HIVEP3: variants seen among roughly 807,000 people sequenced by gnomAD.
The protein encoded by HIVEP3 is HIVEP zinc finger 3.
HIVEP3 carries 49 observed loss-of-function variants against 152.8 expected under a neutral mutation model. The observed-to-expected ratio is 0.32, with a 90% CI of 0.26 to 0.41. The LOEUF is 0.41. HIVEP3 is among the 10% of genes least tolerant of loss of function. The pLI, the probability that HIVEP3 is intolerant of heterozygous loss-of-function variation, is 1.00. For missense variants in HIVEP3, 2,790 were observed against 3,103.3 expected, an observed-to-expected ratio of 0.90 and a Z score of 2.40; for synonymous variants, 1,269 against 1,289.0, an observed-to-expected ratio of 0.98 and a Z score of 0.33.
intron 5 of HIVEP3, among the ~76,000 whole-genome samples, chr1:41,530,398 C>A (rs1179539739): frequency 2.0e-5 from 3 of 152,248 alleles, no homozygotes; most frequent in Non-Finnish European, 2.9e-5. Context: ...ATCTCCAAGA[C>A]CAAAACCAGT....
At chr1:41,527,119 C>A (rs1029408093) in intron 5 of HIVEP3, among the ~76,000 whole-genome samples, 1 of 118,482 alleles carries the variant, frequency 8.4e-6, no homozygotes, top group Non-Finnish European at 1.9e-5. Flanking sequence ...CACACACCCT[C>A]TTCCTCACAC....
chr1:41,755,340 C>T lies in HIVEP3; in HGVS notation c.-800-54345G>A, dbSNP rs78325112. On this transcript the variant is annotated intron_variant, in intron 1 of 8. Transcript: ENST00000372583. ...ATAGATTTAAACATAAAATGCAAAA[C>T]CATAAAACATTCAGAGATAACACAG... Among the ~76,000 whole-genome samples the T allele has an allele frequency of 8.3e-3, 1,261 of 151,902 alleles. 8 individuals are homozygous for T. Among genetic ancestry groups the T allele is most frequent in the African/African-American group, 0.029 (1,201 of 41,430 alleles).
chr1:41,754,551 A>G (rs1265249237), intron 1 of HIVEP3, among the ~76,000 whole-genome samples: 1 of 152,220 alleles, frequency 6.6e-6, no homozygotes, highest in African/African-American at 2.4e-5. Context: ...GCCTGGACAG[A>G]CGACTTAGTC....
chr1:41,513,250 C>T lies in HIVEP3; in HGVS notation c.5971G>A (p.Asp1991Asn), dbSNP rs777566608. ...GGGGAGCATCGCTGGGGAGATGAGT[C>T]GTTTTTGGTTAGCGAGTGTTTGCGG... ...LARKHSLTKNDSSPQRCSPAR... is the reference protein window; with the variant it reads ...LARKHSLTKNNSSPQRCSPAR... Residue 1991 changes from aspartate to asparagine, a missense_variant, in exon 8 of 9, where the codon GAC becomes AAC. Around this residue, in one of 9 missense-constraint regions of HIVEP3, gnomAD observed 816 missense variants for 806.5 expected, o/e 1.01. Coordinates refer to ENST00000372583, the MANE Select transcript of HIVEP3 (RefSeq NM_024503.5). 54 of 1,613,364 alleles carry T rather than the reference C, an allele frequency of 3.3e-5. No homozygotes were observed. The highest frequency in any genetic ancestry group is 4.2e-5 in the Non-Finnish European group (50 of 1,179,978).
chr1:41,842,105 A>G (rs996295200), intron 1 of HIVEP3, among the ~76,000 whole-genome samples: 119 of 152,096 alleles, frequency 7.8e-4, no homozygotes, highest in African/African-American at 2.7e-3. Context: ...AAAAAAATTC[A>G]CTGTTAATGA....
At chr1:41,641,664 A>C (rs1357210839) in intron 2 of HIVEP3, among the ~76,000 whole-genome samples, 2 of 152,148 alleles carry the variant, frequency 1.3e-5, no homozygotes, top group African/African-American at 4.8e-5. Flanking sequence ...TCTGGTTTCG[A>C]GTCGGTGAAC....
At chr1:41,578,071 T>C (rs1362456097) in intron 4 of HIVEP3, among the ~76,000 whole-genome samples, 1 of 152,238 alleles carries the variant, frequency 6.6e-6, no homozygotes, top group East Asian at 1.9e-4. Context: ...GCAGCTTAGA[T>C]AATTCAAAAG....
At position 41,884,124 on chromosome 1, in the gene HIVEP3, C is replaced by G. The variant is rs531477443; in HGVS notation, c.-801+34289G>C. Among the ~76,000 whole-genome samples, 7 of 152,174 alleles carry G rather than the reference C, an allele frequency of 4.6e-5. 1 individual carries two copies. Among genetic ancestry groups the G allele is most frequent in the South Asian group, 2.1e-4 (1 of 4,810 alleles). On this transcript the variant is annotated intron_variant, in intron 1 of 8. Coordinates refer to ENST00000372583, the MANE Select transcript of HIVEP3 (RefSeq NM_024503.5). Reference sequence around the variant, plus strand: ...GGGATTACAGGAGCACACCACCATGCCTGGCTAACTTTTGTATTTTTAGTA... The same window carrying G: ...GGGATTACAGGAGCACACCACCATGGCTGGCTAACTTTTGTATTTTTAGTA...
At chr1:41,987,801 G>T (rs1645332851) in intron 1 of HIVEP3, among the ~76,000 whole-genome samples, 2 of 152,194 alleles carry the variant, frequency 1.3e-5, no homozygotes, top group Non-Finnish European at 2.9e-5. Context: ...CTGCATGGCT[G>T]GGGAAGTCTC....
At chr1:41,629,311 A>C (rs1054618016) in intron 2 of HIVEP3, among the ~76,000 whole-genome samples, 9 of 152,178 alleles carry the variant, frequency 5.9e-5, no homozygotes, top group Non-Finnish European at 1.3e-4. Flanking sequence ...CCTGGTATGA[A>C]AGCCCTTTAA....
chr1:41,575,800 C>T, intron 4 of HIVEP3, 111 bp from the exon 5 acceptor site: 5 of 1,156,652 alleles, frequency 4.3e-6, no homozygotes, highest in Non-Finnish European at 4.9e-6. Context: ...TACACATATG[C>T]AATCTTCACA....
chr1:41,762,534 A>C (rs1570481341), intron 1 of HIVEP3, among the ~76,000 whole-genome samples: 1 of 152,160 alleles, frequency 6.6e-6, no homozygotes, highest in Non-Finnish European at 1.5e-5. Context: ...GGTTGTGGGC[A>C]TCCCCGTTTG....
intron 1 of HIVEP3, among the ~76,000 whole-genome samples, chr1:41,813,724 G>A (rs1350408424): frequency 6.6e-6 from 1 of 152,194 alleles, no homozygotes; most frequent in Non-Finnish European, 1.5e-5. Context: ...GACCATTAAA[G>A]GAGAAGAGCT....
At chr1:41,959,598 G>C (rs1251069529) in intron 1 of HIVEP3, among the ~76,000 whole-genome samples, 1 of 152,188 alleles carries the variant, frequency 6.6e-6, no homozygotes, top group Non-Finnish European at 1.5e-5. Context: ...GTACAGGTGA[G>C]GCACTGCCCT....
intron 5 of HIVEP3, among the ~76,000 whole-genome samples, chr1:41,568,825 A>G (rs1453311433): frequency 1.3e-5 from 2 of 152,176 alleles, no homozygotes; most frequent in African/African-American, 4.8e-5. Context: ...CCCCACTGAT[A>G]TGGTTTGGAT....
chr1:41,843,890 A>G (rs1334824745), intron 1 of HIVEP3, among the ~76,000 whole-genome samples: 1 of 152,018 alleles, frequency 6.6e-6, no homozygotes, highest in East Asian at 1.9e-4. Flanking sequence ...ATGTCTCCAA[A>G]TGCTATCCCT....
chr1:41,903,928 CTCTT>C (rs1455374755), intron 1 of HIVEP3, among the ~76,000 whole-genome samples: 1 of 143,722 alleles, frequency 7.0e-6, no homozygotes, highest in Non-Finnish European at 1.5e-5. Context: ...TTGAGACAGT[CTCTT>C]TCTGTCACCC....
chr1:41,913,930 C>T (rs1289213422), intron 1 of HIVEP3, among the ~76,000 whole-genome samples: 2 of 152,106 alleles, frequency 1.3e-5, no homozygotes, highest in African/African-American at 4.8e-5. Context: ...TTCAAGGGTC[C>T]ACCGATGCTC....
intron 5 of HIVEP3, among the ~76,000 whole-genome samples, chr1:41,538,656 C>A (rs541310254): frequency 1.3e-5 from 2 of 152,254 alleles, no homozygotes; most frequent in African/African-American, 4.8e-5. Flanking sequence ...TGTGGAGTGA[C>A]TTCTGGGTGA....
Sources: gnomAD v4.1 joint callset for allele counts (sites outside exome capture counted in the v4.1 genomes callset) on GRCh38, gnomAD v4.1.1 for gene constraint, gnomAD v4.1.1 regional missense constraint, MANE v1.5 for transcripts, NCBI Gene and HGNC (gene_info 2026-07-23, HGNC 2026-07-21) for gene names.